Variants in NTRK3 observed in about 807,000 individuals in gnomAD.
NTRK3 encodes the protein NT-3 growth factor receptor.
NTRK3 carries 24 observed loss-of-function variants against 91.7 expected under a neutral mutation model. The observed-to-expected ratio is 0.26, with a 90% CI of 0.19 to 0.37. The LOEUF (loss-of-function observed/expected upper bound fraction) is 0.37, where lower values mean the gene tolerates loss of function less well. Among genes scored for constraint, NTRK3 ranks in the 10% least tolerant of loss-of-function variants. The pLI is 1.00. For missense variants in NTRK3, 880 were observed against 1,068.9 expected, an observed-to-expected ratio of 0.82 and a Z score of 2.46; for synonymous variants, 483 against 404.0, an observed-to-expected ratio of 1.20 and a Z score of -2.34.
intron 14 of NTRK3, among the ~76,000 whole-genome samples, chr15:87,944,886 A>C (rs968592711): frequency 6.6e-6 from 1 of 152,214 alleles, no homozygotes; most frequent in African/African-American, 2.4e-5. Context: ...CCACGCGTCT[A>C]TTTGGGTCCC....
At position 88,068,089 on chromosome 15, in the gene NTRK3, CTCTT is replaced by C. The variant is rs200648703; in HGVS notation, c.1397-35048_1397-35045del. On this transcript the variant is annotated intron_variant, in intron 13 of 18. Transcript: ENST00000394480. The stretch of plus-strand genomic sequence containing the variant: ...TAATGACTAAACATAACTACCTAGA[CTCTT>C]TCTTTAAGTGATACAAGAAAGAAAA... Among the ~76,000 whole-genome samples the C allele has an allele frequency of 1.2e-3, 180 of 152,258 alleles. 1 individual carries two copies. The East Asian group carries it at 0.03, about 25-fold the overall frequency.
At chr15:87,946,846 AC>A (rs1440599871) in intron 14 of NTRK3, among the ~76,000 whole-genome samples, 2 of 146,944 alleles carry the variant, frequency 1.4e-5, no homozygotes, top group Admixed American at 6.8e-5. Flanking sequence ...AGCACATGAT[AC>A]CTTTACAGCT....
intron 14 of NTRK3, among the ~76,000 whole-genome samples, chr15:87,967,416 T>C (rs555037102): frequency 2.6e-5 from 4 of 152,216 alleles, no homozygotes; most frequent in African/African-American, 9.6e-5. Context: ...GCTGCCCAGC[T>C]TAGGAGAAAG....
At chr15:87,882,683 A>G (rs2065317125) in intron 17 of NTRK3, among the ~76,000 whole-genome samples, 1 of 152,134 alleles carries the variant, frequency 6.6e-6, no homozygotes, top group Non-Finnish European at 1.5e-5. Flanking sequence ...TAGAAAGGAA[A>G]AAAGAAGCTT....
chr15:88,191,174 G>C (rs2151674450), intron 3 of NTRK3, among the ~76,000 whole-genome samples: 1 of 145,976 alleles, frequency 6.9e-6, no homozygotes, highest in Admixed American at 6.7e-5. Context: ...GTGTGTGTGT[G>C]TGTGTGTGTG....
At chr15:87,910,465 C>G (rs79016727) in intron 17 of NTRK3, among the ~76,000 whole-genome samples, 4,408 of 152,250 alleles carry the variant, frequency 0.029, 224 homozygotes, top group African/African-American at 0.1. Flanking sequence ...CTCAGAGAAG[C>G]AGGAGGAGGC....
intron 14 of NTRK3, chr15:87,978,471 A>G (rs1351634445): frequency 4.4e-6 from 1 of 228,054 alleles, no homozygotes; most frequent in African/African-American, 2.2e-5. Flanking sequence ...TCCCGGGATC[A>G]TGGGCTGGCA....
rs554780572 is a variant in NTRK3 at position 88,038,735 on chromosome 15, T to TA, written c.1397-5691dup. On this transcript the variant is annotated intron_variant, in intron 13 of 18. Coordinates refer to ENST00000394480, the Ensembl canonical transcript of NTRK3. ...TCTAAAAGACAAAAATTTTAAAATG[T>TA]AAAAAAAAAGTCCAGTCTCCCCACA... Among the ~76,000 whole-genome samples the TA allele has an allele frequency of 9.9e-5, 15 of 151,196 alleles. No individual in the cohort carries two copies. The East Asian group carries it at 1.6e-3, about 16-fold the overall frequency.
chr15:88,204,349 G>T (rs1430073083), intron 3 of NTRK3, among the ~76,000 whole-genome samples: 2 of 151,990 alleles, frequency 1.3e-5, no homozygotes, highest in Non-Finnish European at 2.9e-5. Context: ...AAAAAGTCTT[G>T]CCTATTTCAC....
At chr15:88,156,761 T>G (rs1040272669) in intron 5 of NTRK3, among the ~76,000 whole-genome samples, 21 of 152,232 alleles carry the variant, frequency 1.4e-4, no homozygotes, top group Admixed American at 1.1e-3. Flanking sequence ...CAGCTGTGCC[T>G]GTGTTGGCCT....
intron 17 of NTRK3, among the ~76,000 whole-genome samples, chr15:87,898,403 G>T (rs2066255693): frequency 6.6e-6 from 1 of 152,100 alleles, no homozygotes; most frequent in Non-Finnish European, 1.5e-5. Flanking sequence ...CTGCCAGTCT[G>T]GATCCTTGGA....
chr15:88,084,001 G>T (rs2048284875), intron 13 of NTRK3, among the ~76,000 whole-genome samples: 1 of 151,622 alleles, frequency 6.6e-6, no homozygotes, highest in African/African-American at 2.4e-5. Context: ...GGATTGCAAG[G>T]AAAATTTAAT....
chr15:88,171,415 G>A (rs191911175), intron 5 of NTRK3, among the ~76,000 whole-genome samples: 6 of 152,156 alleles, frequency 3.9e-5, no homozygotes, highest in Admixed American at 1.3e-4. Flanking sequence ...TCCCCACCCC[G>A]GCTCTGTAAC....
chr15:87,950,734 G>A lies in NTRK3; in HGVS notation c.1586-9981C>T, dbSNP rs574538838. ...TACAGTCGTACATTTGGAGCGTGTC[G>A]AAGGAGCTAATGCCCATAAAAGTTC... On this transcript the variant is annotated intron_variant, in intron 14 of 18. Coordinates refer to ENST00000394480, the Ensembl canonical transcript of NTRK3. Among the ~76,000 whole-genome samples the A allele has an allele frequency of 5.3e-5, 8 of 152,270 alleles. No homozygotes were observed. In the South Asian group the frequency reaches 1.0e-3, roughly 20 times the overall value.
chr15:88,083,914 C>G (rs1031680924), intron 13 of NTRK3, among the ~76,000 whole-genome samples: 2 of 152,094 alleles, frequency 1.3e-5, no homozygotes, highest in Non-Finnish European at 2.9e-5. Context: ...ATCCCACAGC[C>G]TCCAATTCTG....
chr15:87,952,807 C>A (rs1019430441), intron 14 of NTRK3, among the ~76,000 whole-genome samples: 3 of 152,146 alleles, frequency 2.0e-5, no homozygotes, highest in African/African-American at 4.8e-5. Context: ...CACTCCCACT[C>A]CCGGAGCCAG....
At chr15:87,996,953 G>C (rs1226464876) in intron 14 of NTRK3, among the ~76,000 whole-genome samples, 2 of 152,194 alleles carry the variant, frequency 1.3e-5, no homozygotes, top group Non-Finnish European at 2.9e-5. Flanking sequence ...AGAGGCAGGA[G>C]ATACAACAAC....
exon 17 of NTRK3, chr15:87,929,423 G>A: frequency 6.2e-7 from 1 of 1,613,966 alleles, no homozygotes; most frequent in South Asian, 1.1e-5. Flanking sequence ...CATTGCATCT[G>A]GCCCATGGGC....
intron 3 of NTRK3, among the ~76,000 whole-genome samples, chr15:88,252,190 G>T (rs1018550961): frequency 6.6e-6 from 1 of 152,092 alleles, no homozygotes; most frequent in Non-Finnish European, 1.5e-5. Context: ...CTAATCCTGG[G>T]GTTCTGAGCA....
Sources: allele counts gnomAD v4.1 joint callset (sites outside exome capture counted in the v4.1 genomes callset), GRCh38; gene constraint gnomAD v4.1.1; transcripts MANE v1.5; gene names NCBI Gene and HGNC (gene_info 2026-07-23, HGNC 2026-07-21).